Variants in METTL6 observed in about 807,000 individuals in gnomAD.
METTL6 encodes tRNA N(3)-cytidine methyltransferase METTL6.
Under a neutral mutation model 26.4 loss-of-function variants are expected in METTL6, and 22 were observed. That is an observed-to-expected ratio of 0.83 (90% CI 0.59 to 1.19). The LOEUF is 1.19. Ranked by LOEUF, METTL6 falls within the 50% of genes most tolerant of loss-of-function variation. METTL6 has a pLI of 0.00. For missense variants in METTL6, 304 were observed against 324.8 expected, an observed-to-expected ratio of 0.94 and a Z score of 0.49; for synonymous variants, 109 against 116.2, an observed-to-expected ratio of 0.94 and a Z score of 0.40.
chr3:15,388,794 C>A (rs1195908592), intron 6 of METTL6, among the ~76,000 whole-genome samples: 1 of 152,194 alleles, frequency 6.6e-6, no homozygotes, highest in Non-Finnish European at 1.5e-5. Flanking sequence ...CTGTTGCCAT[C>A]TTTGTTTTAA....
exon 7 of METTL6, chr3:15,383,834 C>A (rs373315429): frequency 1.6e-4 from 24 of 152,718 alleles, no homozygotes; most frequent in African/African-American, 5.5e-4. Context: ...TGCATTGAGA[C>A]TCCCATAGAG....
downstream of METTL6, among the ~76,000 whole-genome samples, chr3:15,407,901 C>T (rs1191586036): frequency 6.6e-6 from 1 of 152,104 alleles, no homozygotes; most frequent in Non-Finnish European, 1.5e-5. Flanking sequence ...GGGTAGCTGC[C>T]TCAGGTTTAT....
intron 3 of METTL6, among the ~76,000 whole-genome samples, chr3:15,422,256 G>A (rs930346900): frequency 6.6e-6 from 1 of 152,174 alleles, no homozygotes; most frequent in Non-Finnish European, 1.5e-5. Context: ...AGCCTGGGAA[G>A]TCAAGGCTGC....
intron 3 of METTL6, among the ~76,000 whole-genome samples, chr3:15,423,655 T>C (rs565978886): frequency 6.6e-6 from 1 of 151,838 alleles, no homozygotes; most frequent in South Asian, 2.1e-4. Flanking sequence ...GGAGGATTGT[T>C]TGAGCCCAGA....
At chr3:15,407,721 C>T (rs1474798924), downstream of METTL6, among the ~76,000 whole-genome samples, 1 of 152,206 alleles carries the variant, frequency 6.6e-6, no homozygotes, top group Non-Finnish European at 1.5e-5. Context: ...CAGTCCTCTT[C>T]ATCCACTTAT....
intron 4 of METTL6, chr3:15,415,354 G>A: frequency 1.4e-6 from 1 of 714,830 alleles, no homozygotes. Flanking sequence ...ACAAGGTCTT[G>A]CTATGTTGGC....
At chr3:15,389,487 C>T in intron 6 of METTL6, among the ~76,000 whole-genome samples, 1 of 152,106 alleles carries the variant, frequency 6.6e-6, no homozygotes, top group African/African-American at 2.4e-5. Flanking sequence ...ACTCATTATA[C>T]CAGGGAGCCA....
chr3:15,381,700 G>C (rs532022317), exon 7 of METTL6: 9 of 152,280 alleles, frequency 5.9e-5, no homozygotes, highest in East Asian at 5.8e-4. Flanking sequence ...CTGCAGGGGG[G>C]TTAGGAGCAA....
At chr3:15,413,826 C>A in intron 5 of METTL6, 195 bp downstream of exon 5, 1 of 1,495,242 alleles carries the variant, frequency 6.7e-7, no homozygotes, top group Non-Finnish European at 8.9e-7. Context: ...CCAGAGAAGG[C>A]TTGTGAGCTC....
downstream of METTL6, among the ~76,000 whole-genome samples, chr3:15,406,613 TATATATATATATATATAGAGAG>T (rs1236095472): frequency 1.0e-3 from 68 of 66,054 alleles, no homozygotes; most frequent in South Asian, 7.6e-3. Flanking sequence ...TATATATATA[TATATATATATATATATAGAGAG>T]AGAGAGAGAG....
chr3:15,402,594 C>T (rs112740240), intron 6 of METTL6, among the ~76,000 whole-genome samples: 2 of 151,804 alleles, frequency 1.3e-5, no homozygotes, highest in South Asian at 4.2e-4. Flanking sequence ...ATTAAGCAGG[C>T]GTGGTGGCAC....
downstream of METTL6, among the ~76,000 whole-genome samples, chr3:15,407,975 T>C (rs1699845775): frequency 6.6e-6 from 1 of 152,208 alleles, no homozygotes; most frequent in South Asian, 2.1e-4. Context: ...GCAAAATCTG[T>C]TATTTATCCT....
chr3:15,422,180 G>T (rs2061624779), intron 3 of METTL6, among the ~76,000 whole-genome samples: 1 of 151,994 alleles, frequency 6.6e-6, no homozygotes, highest in South Asian at 2.1e-4. Context: ...AAAACAATTA[G>T]TTGGGTGTGG....
chr3:15,411,124 A>C lies in METTL6; in HGVS notation c.*132T>G, dbSNP rs1699945959. 1 of 967,648 alleles carries C rather than the reference A, an allele frequency of 1.0e-6. No homozygotes were observed. The highest frequency in any genetic ancestry group is 1.5e-6 in the Non-Finnish European group (1 of 669,646). 59.9% of individuals were successfully genotyped at this position (967,648 alleles called of 1,614,324 possible). A position where few individuals can be genotyped will look rare whatever the true frequency, so the allele number is the denominator to read the frequency against. ...TGGCCAGGCTGGTCTCAAACTCCTG[A>C]CCTCAGATGATCCCCCAACCTCGGC... On this transcript the variant is annotated 3_prime_UTR_variant, in exon 6 of 6. Coordinates refer to ENST00000383790, the MANE Select transcript of METTL6 (RefSeq NM_152396.4).
chr3:15,399,562 G>A (rs1699584438), intron 6 of METTL6: 1 of 151,178 alleles, frequency 6.6e-6, no homozygotes, highest in Admixed American at 6.6e-5. Context: ...GTGTGTGTGT[G>A]TGTGTGTGTG....
chr3:15,414,348 A>G, intron 4 of METTL6, 186 bp from the exon 5 acceptor site: 4 of 1,358,408 alleles, frequency 2.9e-6, no homozygotes, highest in Non-Finnish European at 3.8e-6. Flanking sequence ...CCATAACACT[A>G]AGACACTTCT....
At position 15,426,482 on chromosome 3, in the gene METTL6, C is replaced by T; in HGVS notation, c.30G>A (p.Gln10=). The T allele has an allele frequency of 6.2e-7, 1 of 1,614,070 alleles. No individual in the cohort carries two copies. Among genetic ancestry groups the T allele is most frequent in the Non-Finnish European group, 8.5e-7 (1 of 1,180,028 alleles). The change falls in exon 2 of 6, where the codon CAG becomes CAA. Residue 10 remains glutamine, a synonymous_variant. Transcript: ENST00000383790. MASLQRKGL[Q]ARILTSEEEE... ...CTTCTTCAGAGGTGAGAATCCTTGC[C>T]TGCAGCCCTTTCCTTTGCAAAGAAG...
chr3:15,395,157 G>A (rs1001588729), intron 6 of METTL6, among the ~76,000 whole-genome samples: 1 of 152,122 alleles, frequency 6.6e-6, no homozygotes, highest in African/African-American at 2.4e-5. Flanking sequence ...GGTCTCTAAG[G>A]ACTTGCTTTA....
intron 3 of METTL6, among the ~76,000 whole-genome samples, chr3:15,424,307 C>A (rs13062654): frequency 0.26 from 39,979 of 152,148 alleles, 5,650 homozygotes; most frequent in Non-Finnish European, 0.32. Flanking sequence ...TGCTCTGTCA[C>A]CTAGGCTGGA....
Sources: gnomAD v4.1 joint callset for allele counts (sites outside exome capture counted in the v4.1 genomes callset) on GRCh38, gnomAD v4.1.1 for gene constraint, MANE v1.5 for transcripts, NCBI Gene and HGNC (gene_info 2026-07-23, HGNC 2026-07-21) for gene names.